The following KCNC1 variants were observed in gnomAD, a reference collection of about 807,000 sequenced individuals.
The protein encoded by KCNC1 is potassium voltage-gated channel subfamily C member 1, also known as voltage-gated potassium channel KCNC1.
In KCNC1, 8 loss-of-function variants were observed where a neutral mutation model predicts 43.4. The ratio of observed to expected loss-of-function variants is 0.18; its 90% confidence interval spans 0.11 to 0.33. The LOEUF (loss-of-function observed/expected upper bound fraction) is 0.33. Among genes scored for constraint, KCNC1 ranks in the 10% least tolerant of loss-of-function variants. KCNC1 has a pLI of 1.00. For synonymous variants in KCNC1, 361 were observed against 360.5 expected (o/e 1.00, Z -0.01); for missense variants, 420 against 836.0 (o/e 0.50, Z 6.14).
Position 17,776,874 on chromosome 11 carries a change from C to T in KCNC1, c.1505-2582C>T, listed in dbSNP as rs1280240152. Reference sequence around the variant, plus strand: ...GGGAGAATGCCCCAGTTTCTGAAAGCATCTTAAACCATAGATAGACGAACA... The same window carrying T: ...GGGAGAATGCCCCAGTTTCTGAAAGTATCTTAAACCATAGATAGACGAACA... On this transcript the variant is annotated intron_variant, in intron 2 of 3. Transcript: ENST00000265969. The surrounding 1 kb of genome is among the most constrained non-coding windows in gnomAD (Gnocchi z 4.4). 14 of 985,314 alleles carry T rather than the reference C, an allele frequency of 1.4e-5. No individual in the cohort carries two copies. The highest frequency in any genetic ancestry group is 5.2e-4 in the Middle Eastern group (1 of 1,936). The allele number at this position is 985,314 out of a possible 1,614,324, so 61.0% of individuals were successfully genotyped here.
In KCNC1 at chr11:17,779,760, G is replaced by A. The variant is rs563967226; in HGVS notation, c.1693+116G>A. ...GGGGCAGGCAGGCACACCGAGGGGGGCAAGGATGGAGGGAATCTCCCAGGG... is the reference window on the plus strand; with the variant it reads ...GGGGCAGGCAGGCACACCGAGGGGGACAAGGATGGAGGGAATCTCCCAGGG... On this transcript the variant is annotated intron_variant, in intron 3 of 3. Coordinates refer to ENST00000265969, the MANE Select transcript of KCNC1 (RefSeq NM_001112741.2). This position sits in a 1 kb window ranked among gnomAD's most constrained non-coding sequence, Gnocchi z 7.2. 23 of 829,432 alleles carry A rather than the reference G, an allele frequency of 2.8e-5. 1 individual carries two copies. In the South Asian group the frequency reaches 4.8e-4, roughly 17 times the overall value. 51.4% of individuals were successfully genotyped at this position (829,432 alleles called of 1,614,324 possible).
chr11:17,770,213 G>A, intron 1 of KCNC1, among the ~76,000 whole-genome samples: 1 of 152,394 alleles, frequency 6.6e-6, no homozygotes, highest in Non-Finnish European at 1.5e-5. Flanking sequence ...GACACAGGGC[G>A]CGACCTTGGC....
At chr11:17,772,753 T>G (rs1849244660) in intron 2 of KCNC1, 155 bp downstream of exon 2, 1 of 1,492,822 alleles carries the variant, frequency 6.7e-7, no homozygotes, top group East Asian at 2.3e-5. Context: ...CCCAGGGAGA[T>G]GCTGGGCGGC....
At position 17,781,734 on chromosome 11, in the gene KCNC1, A is replaced by G; in HGVS notation, c.1758A>G (p.Ter586TrpextTer12). 1 of 1,550,950 alleles carries G rather than the reference A, an allele frequency of 6.4e-7. No homozygotes were observed. Among genetic ancestry groups the G allele is most frequent in the Non-Finnish European group, 8.7e-7 (1 of 1,146,302 alleles). The change falls in exon 4 of 4, where the codon TGA becomes TGG. Residue 586 changes from the stop codon to tryptophan, a stop_lost. Transcript: ENST00000265969. This position sits in a 1 kb window ranked among gnomAD's most constrained non-coding sequence, Gnocchi z 5.1. ...CGACAGAGGCTGTGAGAGTGACTTG[A>G]CCAGGCGGCTTGGCCGAGGACACTG... ...YMPTEAVRVT[*>W]
rs752586813 is a variant in KCNC1, at chr11:17,777,607, C to T, written c.1505-1849C>T. ...CAGACATGCCCCAAGACCCCAGAGA[C>T]GCCCCGGCCCCAGTCACATGGTGTC... is the stretch of plus-strand genomic sequence containing the variant. On this transcript the variant is annotated intron_variant, in intron 2 of 3. Transcript: ENST00000265969. This position sits in a 1 kb window ranked among gnomAD's most constrained non-coding sequence, Gnocchi z 4.3. 2.3e-5 allele frequency: 23 copies of T among 985,774 alleles called. No homozygotes were observed. The Admixed American group carries it at 3.7e-4, about 16-fold the overall frequency. The allele number at this position is 985,774 out of a possible 1,614,324, so 61.1% of individuals were successfully genotyped here. A position where few individuals can be genotyped will look rare whatever the true frequency, so the allele number is the denominator to read the frequency against.
At chr11:17,745,172 G>A (rs1454529656) in intron 1 of KCNC1, among the ~76,000 whole-genome samples, 2 of 152,192 alleles carry the variant, frequency 1.3e-5, no homozygotes, top group African/African-American at 2.4e-5. Flanking sequence ...TCGAGGGCCA[G>A]CCTCAGGACA....
intron 1 of KCNC1, among the ~76,000 whole-genome samples, chr11:17,758,089 C>G (rs1263287272): frequency 6.6e-6 from 1 of 152,236 alleles, no homozygotes; most frequent in Non-Finnish European, 1.5e-5. Flanking sequence ...TCAAACCCTG[C>G]TGCTGCTTTA....
chr11:17,779,304 T>G lies in KCNC1; in HGVS notation c.1505-152T>G. On this transcript the variant is annotated intron_variant, in intron 2 of 3. Coordinates refer to ENST00000265969, the MANE Select transcript of KCNC1 (RefSeq NM_001112741.2). This position sits in a 1 kb window ranked among gnomAD's most constrained non-coding sequence, Gnocchi z 7.2. ...TGAACCCCCCACCAAGCCCCCTGCC[T>G]TGTGCCCTCCTCGCTCCACAGCCTG... The G allele has an allele frequency of 2.2e-5, 13 of 591,224 alleles. No homozygotes were observed. Among genetic ancestry groups the G allele is most frequent in the East Asian group, 1.2e-4 (4 of 32,154 alleles). The allele number at this position is 591,224 out of a possible 1,614,324, so 36.6% of individuals were successfully genotyped here. A position where few individuals can be genotyped will look rare whatever the true frequency, so the allele number is the denominator to read the frequency against.
At chr11:17,767,284 CAAA>C (rs71483495) in intron 1 of KCNC1, among the ~76,000 whole-genome samples, 4 of 95,906 alleles carry the variant, frequency 4.2e-5, no homozygotes, top group Admixed American at 1.3e-4. Context: ...GACTCCGTCT[CAAA>C]AAAAAAAAAA....
At chr11:17,740,650 G>A (rs971402879) in intron 1 of KCNC1, among the ~76,000 whole-genome samples, 2 of 152,086 alleles carry the variant, frequency 1.3e-5, no homozygotes, top group African/African-American at 4.8e-5. Context: ...CTGTGTGTGT[G>A]TGTTTGTGTG....
intron 1 of KCNC1, among the ~76,000 whole-genome samples, chr11:17,749,063 G>A (rs1397137737): frequency 1.3e-5 from 2 of 152,224 alleles, no homozygotes; most frequent in African/African-American, 2.4e-5. Context: ...TGTGCCGGGA[G>A]AAGATGGCTA....
At chr11:17,778,431 G>A (rs144231663) in intron 2 of KCNC1, among the ~76,000 whole-genome samples, 4 of 152,332 alleles carry the variant, frequency 2.6e-5, no homozygotes, top group East Asian at 3.9e-4. Context: ...TTGCTTTGCC[G>A]GGGACACTGA....
At chr11:17,775,858 C>A (rs1849280299) in intron 2 of KCNC1, 1 of 985,414 alleles carries the variant, frequency 1.0e-6, no homozygotes, top group African/African-American at 1.7e-5. Context: ...GCCTGGGCTC[C>A]CTGGGAGCTA....
rs544015986 is a variant in KCNC1, at chr11:17,755,078, TG to T, written c.571-16583del. 1.9e-3 allele frequency among the ~76,000 whole-genome samples: 295 copies of T among 152,124 alleles called. 2 individuals carry two copies. The highest frequency in any genetic ancestry group is 6.7e-3 in the African/African-American group (279 of 41,496). ...AATAGGGTGGTCAGAAGCACCCTCT[TG>T]GGGTGCCATGAGGCAGTGAAGGGGT... is the stretch of plus-strand genomic sequence containing the variant. On this transcript the variant is annotated intron_variant, in intron 1 of 3. Coordinates refer to ENST00000265969, the MANE Select transcript of KCNC1 (RefSeq NM_001112741.2).
intron 1 of KCNC1, among the ~76,000 whole-genome samples, chr11:17,741,315 G>A (rs76506514): frequency 0.17 from 24,803 of 149,734 alleles, 2,125 homozygotes; most frequent in African/African-American, 0.19. Flanking sequence ...AGTTAGAACC[G>A]TCCTCACGAG....
In KCNC1 at chr11:17,776,648, G is replaced by GA. The variant is rs989961270; in HGVS notation, c.1505-2808_1505-2807insA. ...AGGCCTGTGGGTCTAGTGGGGGCCT[G>GA]GGGGCCCTGGGCTGGGGGAGGCAGG... On this transcript the variant is annotated intron_variant, in intron 2 of 3. Coordinates refer to ENST00000265969, the MANE Select transcript of KCNC1 (RefSeq NM_001112741.2). This position sits in a 1 kb window ranked among gnomAD's most constrained non-coding sequence, Gnocchi z 4.4. 1.0e-6 allele frequency: 1 copy of GA among 983,090 alleles called. No individual in the cohort carries two copies. Among genetic ancestry groups the GA allele is most frequent in the African/African-American group, 1.8e-5 (1 of 55,164 alleles). The allele number at this position is 983,090 out of a possible 1,614,324, so 60.9% of individuals were successfully genotyped here.
intron 1 of KCNC1, among the ~76,000 whole-genome samples, chr11:17,740,877 G>A (rs1848832238): frequency 1.3e-5 from 2 of 152,136 alleles, no homozygotes; most frequent in Non-Finnish European, 2.9e-5. Context: ...TTTACCTGGT[G>A]GCGGGAAATA....
intron 1 of KCNC1, among the ~76,000 whole-genome samples, chr11:17,760,039 T>C (rs1849060814): frequency 6.6e-6 from 1 of 152,358 alleles, no homozygotes; most frequent in South Asian, 2.1e-4. Flanking sequence ...AATCTGGGAA[T>C]CTTATTCACG....
chr11:17,779,687 C>T lies in KCNC1; in HGVS notation c.1693+43C>T. The T allele has an allele frequency of 2.1e-6, 3 of 1,400,560 alleles. No homozygotes were observed. The highest frequency in any genetic ancestry group is 2.8e-6 in the Non-Finnish European group (3 of 1,068,116). The allele number at this position is 1,400,560 out of a possible 1,614,324, so 86.8% of individuals were successfully genotyped here. A position where few individuals can be genotyped will look rare whatever the true frequency, so the allele number is the denominator to read the frequency against. ...GAGCACCGTGCATCGTCCGGGCCGC[C>T]TCGCGCTCCTGCAGATGGGTGGGCA... is the stretch of plus-strand genomic sequence containing the variant. On this transcript the variant is annotated intron_variant, in intron 3 of 3. Coordinates refer to ENST00000265969, the MANE Select transcript of KCNC1 (RefSeq NM_001112741.2). This position sits in a 1 kb window ranked among gnomAD's most constrained non-coding sequence, Gnocchi z 7.2.
Sources: allele counts gnomAD v4.1 joint callset (sites outside exome capture counted in the v4.1 genomes callset), GRCh38; gene constraint gnomAD v4.1.1; non-coding constraint Gnocchi (gnomAD v3.1); transcripts MANE v1.5; gene names NCBI Gene and HGNC (gene_info 2026-07-23, HGNC 2026-07-21).